The following GRM8 variants were observed in gnomAD, a reference collection of about 807,000 sequenced individuals.
GRM8 encodes the protein glutamate metabotropic receptor 8, also known as metabotropic glutamate receptor 8.
Under a neutral mutation model 87.2 loss-of-function variants are expected in GRM8, and 47 were observed. The observed-to-expected ratio is 0.54, with a 90% confidence interval of 0.43 to 0.69. The LOEUF is 0.69. Ranked by LOEUF, GRM8 falls within the 30% of genes least tolerant of loss-of-function variation. GRM8 has a pLI of 0.00. For missense variants in GRM8, 1,019 were observed against 1,139.2 expected, an observed-to-expected ratio of 0.89 and a Z score of 1.52; for synonymous variants, 396 against 404.5, an observed-to-expected ratio of 0.98 and a Z score of 0.25.
chr7:126,784,869 G>A (rs1820467070), intron 6 of GRM8, among the ~76,000 whole-genome samples: 1 of 151,996 alleles, frequency 6.6e-6, no homozygotes, highest in Non-Finnish European at 1.5e-5. Flanking sequence ...TTACAGCTCA[G>A]GTCTAAACAA....
chr7:127,019,965 G>A (rs1816095039), intron 3 of GRM8, among the ~76,000 whole-genome samples: 1 of 151,970 alleles, frequency 6.6e-6, no homozygotes, highest in Non-Finnish European at 1.5e-5. Context: ...AACTACATTT[G>A]AGGAATTTTC....
intron 6 of GRM8, among the ~76,000 whole-genome samples, chr7:126,789,400 T>G (rs1821024474): frequency 6.6e-6 from 1 of 152,202 alleles, no homozygotes; most frequent in African/African-American, 2.4e-5. Context: ...AGCTTCCATG[T>G]TATAAATTTA....
intron 9 of GRM8, among the ~76,000 whole-genome samples, chr7:126,503,835 G>T (rs912573298): frequency 6.6e-6 from 1 of 151,932 alleles, no homozygotes; most frequent in Non-Finnish European, 1.5e-5. Flanking sequence ...TCACTTACGG[G>T]CTGAGGCATT....
At chr7:126,612,726 C>G (rs1799043756) in intron 7 of GRM8, among the ~76,000 whole-genome samples, 1 of 152,182 alleles carries the variant, frequency 6.6e-6, no homozygotes, top group African/African-American at 2.4e-5. Context: ...AGCACTGCAG[C>G]AAAGACAGTG....
chr7:126,676,901 C>CA (rs1315960911), intron 7 of GRM8, among the ~76,000 whole-genome samples: 2 of 151,986 alleles, frequency 1.3e-5, no homozygotes, highest in East Asian at 1.9e-4. Flanking sequence ...TTCTGCATAG[C>CA]AAAATAATCA....
At chr7:126,701,530 T>C (rs575562528) in intron 7 of GRM8, among the ~76,000 whole-genome samples, 3 of 152,302 alleles carry the variant, frequency 2.0e-5, no homozygotes, top group South Asian at 2.1e-4. Context: ...AGAGATGTTT[T>C]TAAAAATCTG....
chr7:126,722,979 ATATAT>A (rs1437913788), intron 7 of GRM8, among the ~76,000 whole-genome samples: 4 of 147,096 alleles, frequency 2.7e-5, no homozygotes, highest in Admixed American at 6.9e-5. Flanking sequence ...TATAATTTAC[ATATAT>A]TATATATAAT....
intron 8 of GRM8, among the ~76,000 whole-genome samples, chr7:126,566,549 G>A (rs1235079173): frequency 6.6e-6 from 1 of 152,126 alleles, no homozygotes; most frequent in Non-Finnish European, 1.5e-5. Context: ...GCAAGCATAT[G>A]GAGAAACTGG....
chr7:126,820,577 A>G (rs1563218024), intron 6 of GRM8, among the ~76,000 whole-genome samples: 1 of 152,226 alleles, frequency 6.6e-6, no homozygotes, highest in Non-Finnish European at 1.5e-5. Flanking sequence ...GTCATGAACT[A>G]GAGATCACAT....
At chr7:126,571,800 G>A (rs916048147) in intron 8 of GRM8, among the ~76,000 whole-genome samples, 35 of 151,504 alleles carry the variant, frequency 2.3e-4, no homozygotes, top group African/African-American at 7.8e-4. Flanking sequence ...GAATGCAATG[G>A]CATGATCTCG....
intron 9 of GRM8, among the ~76,000 whole-genome samples, chr7:126,447,360 G>A (rs1584634702): frequency 6.6e-6 from 1 of 151,806 alleles, no homozygotes; most frequent in African/African-American, 2.4e-5. Context: ...AATAACTTGG[G>A]ATACTGAGGC....
At chr7:126,827,493 A>G (rs910853181) in intron 6 of GRM8, among the ~76,000 whole-genome samples, 3 of 152,134 alleles carry the variant, frequency 2.0e-5, no homozygotes, top group Admixed American at 2.0e-4. Context: ...ATGGGAGTTC[A>G]CTCATGATTT....
intron 7 of GRM8, among the ~76,000 whole-genome samples, chr7:126,708,269 A>C (rs994039748): frequency 2.0e-5 from 3 of 152,096 alleles, no homozygotes; most frequent in Non-Finnish European, 4.4e-5. Context: ...ACTTTTGTAC[A>C]TAGTTCGTGG....
chr7:126,725,440 A>T (rs1378249928), intron 7 of GRM8, among the ~76,000 whole-genome samples: 1 of 152,174 alleles, frequency 6.6e-6, no homozygotes, highest in East Asian at 1.9e-4. Flanking sequence ...GACTAATAGT[A>T]AGGCTAAAAG....
intron 3 of GRM8, among the ~76,000 whole-genome samples, chr7:127,036,204 C>T (rs1421834044): frequency 2.0e-5 from 3 of 151,906 alleles, no homozygotes; most frequent in Non-Finnish European, 4.4e-5. Flanking sequence ...TATACCTACA[C>T]CATATTAAAA....
At chr7:126,507,659 T>A (rs2150728019) in intron 9 of GRM8, among the ~76,000 whole-genome samples, 1 of 152,240 alleles carries the variant, frequency 6.6e-6, no homozygotes, top group Admixed American at 6.5e-5. Flanking sequence ...ATCTAATTTG[T>A]ATTTGCCTTT....
At chr7:126,673,591 G>A (rs139815186) in intron 7 of GRM8, among the ~76,000 whole-genome samples, 6 of 152,236 alleles carry the variant, frequency 3.9e-5, no homozygotes, top group African/African-American at 9.6e-5. Flanking sequence ...GTGTGGGGCC[G>A]AGTGAGCTGC....
chr7:126,499,248 A>G (rs77283725), intron 9 of GRM8, among the ~76,000 whole-genome samples: 1,593 of 151,884 alleles, frequency 0.01, 21 homozygotes, highest in African/African-American at 0.036. Flanking sequence ...TAATTAACAA[A>G]CCACAATGAG....
intron 9 of GRM8, among the ~76,000 whole-genome samples, chr7:126,509,757 T>G (rs907362355): frequency 6.6e-6 from 1 of 152,046 alleles, no homozygotes; most frequent in Admixed American, 6.6e-5. Flanking sequence ...CAGTTCATCA[T>G]GATACCTAGA....
Sources: gnomAD v4.1 joint callset for allele counts (sites outside exome capture counted in the v4.1 genomes callset) on GRCh38, gnomAD v4.1.1 for gene constraint, MANE v1.5 for transcripts, NCBI Gene and HGNC (gene_info 2026-07-23, HGNC 2026-07-21) for gene names.